The following DNM1 variants were observed in gnomAD, a reference collection of about 807,000 sequenced individuals.
The protein encoded by DNM1 is dynamin-1.
In DNM1, 29 loss-of-function variants were observed where a neutral mutation model predicts 104.6. The ratio of observed to expected loss-of-function variants is 0.28; its 90% CI spans 0.21 to 0.38. DNM1 has a LOEUF of 0.38. Among genes scored for constraint, DNM1 ranks in the 10% least tolerant of loss-of-function variants. The pLI is 1.00. For missense variants in DNM1, 640 were observed against 1,189.4 expected (o/e 0.54, Z 6.79); for synonymous variants, 445 against 475.8 (o/e 0.94, Z 0.84).
In DNM1 at chr9:128,239,720, C is replaced by T. The variant is rs1026287099; in HGVS notation, c.1494-8C>T. On this transcript the variant is annotated splice_region_variant and splice_polypyrimidine_tract_variant and intron_variant, in intron 12 of 21. Transcript: ENST00000372923. Reference sequence around the variant, plus strand: ...AAGTTCTGAGACTCCTCCCCTCCCTCCCATTAGTGCTCAGCAGAGGAGCAA... The same window carrying T: ...AAGTTCTGAGACTCCTCCCCTCCCTTCCATTAGTGCTCAGCAGAGGAGCAA... The T allele has an allele frequency of 6.2e-7, 1 of 1,612,812 alleles. No individual in the cohort carries two copies. Among genetic ancestry groups the T allele is most frequent in the African/African-American group, 1.3e-5 (1 of 74,826 alleles).
chr9:128,252,275 T>C (rs979956680), intron 21 of DNM1: 1 of 307,388 alleles, frequency 3.3e-6, no homozygotes, highest in African/African-American at 2.2e-5. Flanking sequence ...CCCAGGTCTA[T>C]GGTGCGGTGT....
At chr9:128,208,905 G>A (rs1187679089) in intron 1 of DNM1, among the ~76,000 whole-genome samples, 3 of 152,160 alleles carry the variant, frequency 2.0e-5, no homozygotes, top group Admixed American at 6.5e-5. Context: ...GTGGACTTCC[G>A]CAGGTGCAGG....
At position 128,220,726 on chromosome 9, in the gene DNM1, A is replaced by AGCGCGC. The variant is rs747195864; in HGVS notation, c.849+386_849+387insCGCGCG. Among the ~76,000 whole-genome samples the AGCGCGC allele has an allele frequency of 0.033, 4,436 of 133,136 alleles. 145 individuals carry two copies. The highest frequency in any genetic ancestry group is 0.051 in the Non-Finnish European group (3,096 of 60,982). The allele number at this position is 133,136 out of a possible 152,430, so 87.3% of individuals were successfully genotyped here. On this transcript the variant is annotated intron_variant, in intron 6 of 21. Coordinates refer to ENST00000372923, the MANE Select transcript of DNM1 (RefSeq NM_004408.4). This position sits in a 1 kb window ranked among gnomAD's most constrained non-coding sequence, Gnocchi z 5.2. The stretch of plus-strand genomic sequence containing the variant: ...TCTGGAATGGGGCATCCAGAACTGA[A>AGCGCGC]GTGCGCGCGCGCGCGCGTGTGTGTG...
chr9:128,248,666 G>A lies in DNM1; in HGVS notation c.1989G>A (p.Arg663=). 6.2e-7 allele frequency: 1 copy of A among 1,614,038 alleles called. No homozygotes were observed. Among genetic ancestry groups the A allele is most frequent in the Non-Finnish European group, 8.5e-7 (1 of 1,179,908 alleles). ...TGGAACGGCAAGTGGAGACCATCCG[G>A]AATCTTGTGGACTCATACATGGCCA... is the stretch of plus-strand genomic sequence containing the variant. ...PQLERQVETI[R]NLVDSYMAIV... is the part of the protein sequence containing the mutation. Residue 663 remains arginine, a synonymous_variant, in exon 19 of 22, where the codon CGG becomes CGA. Transcript: ENST00000372923. This position sits in a 1 kb window ranked among gnomAD's most constrained non-coding sequence, Gnocchi z 5.6.
At chr9:128,235,238 G>GT (rs1835939315) in intron 11 of DNM1, among the ~76,000 whole-genome samples, 1 of 151,878 alleles carries the variant, frequency 6.6e-6, no homozygotes, top group Non-Finnish European at 1.5e-5. Flanking sequence ...GCTCATGCCT[G>GT]TAATCCAAGC....
At chr9:128,239,622 C>T in intron 12 of DNM1, 106 bp from the exon 13 acceptor site, 1 of 1,199,470 alleles carries the variant, frequency 8.3e-7, no homozygotes, top group South Asian at 1.3e-5. Context: ...GTGTGTAGAG[C>T]CCAGGTCTGC....
intron 10 of DNM1, among the ~76,000 whole-genome samples, chr9:128,227,868 T>C (rs989903896): frequency 6.6e-6 from 1 of 152,158 alleles, no homozygotes; most frequent in South Asian, 2.1e-4. Context: ...CTTTCTTTTT[T>C]AGAGACGGGG....
rs1261598376 is a variant in DNM1 at position 128,253,510 on chromosome 9, C to T, written c.2535-1144C>T. Reference sequence around the variant, plus strand: ...TCGTGTGTGGGGCTGGACTCTGAGGCGGCCAGAGGCCTAGGAACGTTATCC... The same window carrying T: ...TCGTGTGTGGGGCTGGACTCTGAGGTGGCCAGAGGCCTAGGAACGTTATCC... On this transcript the variant is annotated intron_variant, in intron 21 of 21. Coordinates refer to ENST00000372923, the MANE Select transcript of DNM1 (RefSeq NM_004408.4). The surrounding 1 kb of genome is among the most constrained non-coding windows in gnomAD (Gnocchi z 5.9). 1.7e-5 allele frequency: 5 copies of T among 293,454 alleles called. No homozygotes were observed. The highest frequency in any genetic ancestry group is 3.2e-5 in the Non-Finnish European group (5 of 155,574). 18.2% of individuals were successfully genotyped at this position (293,454 alleles called of 1,614,324 possible).
At chr9:128,206,186 G>C (rs1037879221) in intron 1 of DNM1, among the ~76,000 whole-genome samples, 4 of 152,096 alleles carry the variant, frequency 2.6e-5, no homozygotes, top group African/African-American at 9.7e-5. Context: ...CTTCCCAGGA[G>C]CCAATCCCCA....
intron 9 of DNM1, chr9:128,223,648 G>A (rs2131178640): frequency 6.6e-6 from 1 of 152,252 alleles, no homozygotes; most frequent in East Asian, 1.9e-4. Context: ...AACCACGTTT[G>A]GCAATTTTCA....
chr9:128,246,554 C>G, intron 16 of DNM1, 51 bp downstream of exon 16: 1 of 1,396,738 alleles, frequency 7.2e-7, no homozygotes, highest in Non-Finnish European at 1.0e-6. Context: ...ACCACCCTCA[C>G]TGAGTAGAAG....
intron 11 of DNM1, among the ~76,000 whole-genome samples, chr9:128,235,529 G>A (rs1322644351): frequency 6.6e-6 from 1 of 151,628 alleles, no homozygotes; most frequent in Non-Finnish European, 1.5e-5. Flanking sequence ...TTTAAGGCTT[G>A]AATAATATTC....
At chr9:128,246,689 CCCTTCCCTTCCCTCCT>C (rs1426950316) in intron 16 of DNM1, among the ~76,000 whole-genome samples, 186 bp downstream of exon 16, 1 of 151,110 alleles carries the variant, frequency 6.6e-6, no homozygotes, top group Non-Finnish European at 1.5e-5. Flanking sequence ...CCATCCCCTC[CCCTTCCCTTCCCTCCT>C]CCTTCCCTCC....
Position 128,248,122 on chromosome 9 carries a change from T to C in DNM1, c.1905+187T>C. On this transcript the variant is annotated intron_variant, in intron 18 of 21. Transcript: ENST00000372923. The surrounding 1 kb of genome is among the most constrained non-coding windows in gnomAD (Gnocchi z 5.6). ...GGTGGGCGGATCACAAGGTCAGGAG[T>C]TCGAGACCAGCCTGGCCAACACGGT... 1 of 737,532 alleles carries C rather than the reference T, an allele frequency of 1.4e-6. No homozygotes were observed. Among genetic ancestry groups the C allele is most frequent in the Non-Finnish European group, 2.3e-6 (1 of 427,252 alleles). 45.7% of individuals were successfully genotyped at this position (737,532 alleles called of 1,614,324 possible). A position where few individuals can be genotyped will look rare whatever the true frequency, so the allele number is the denominator to read the frequency against.
Position 128,247,563 on chromosome 9 carries a change from T to G in DNM1, c.1893+77T>G, listed in dbSNP as rs1836903227. The stretch of plus-strand genomic sequence containing the variant: ...GGGCACCATCCTCAGTGATGCCAAG[T>G]CATGCCATGTTTCCGAGCCCTTATT... On this transcript the variant is annotated intron_variant, in intron 17 of 21. Transcript: ENST00000372923. This position sits in a 1 kb window ranked among gnomAD's most constrained non-coding sequence, Gnocchi z 5.1. 8.5e-7 allele frequency: 1 copy of G among 1,172,674 alleles called. No homozygotes were observed. Among genetic ancestry groups the G allele is most frequent in the Admixed American group, 2.0e-5 (1 of 49,704 alleles). 72.6% of individuals were successfully genotyped at this position (1,172,674 alleles called of 1,614,324 possible). A position where few individuals can be genotyped will look rare whatever the true frequency, so the allele number is the denominator to read the frequency against.
chr9:128,242,665 C>A (rs1440596533), intron 15 of DNM1, among the ~76,000 whole-genome samples: 1 of 152,098 alleles, frequency 6.6e-6, no homozygotes, highest in African/African-American at 2.4e-5. Context: ...GAGGCTGAGA[C>A]ACAAGAATGC....
intron 11 of DNM1, among the ~76,000 whole-genome samples, chr9:128,237,365 C>T (rs1477192813): frequency 6.6e-6 from 1 of 151,912 alleles, no homozygotes; most frequent in Non-Finnish European, 1.5e-5. Flanking sequence ...GGGTTCAAGC[C>T]ATTCTCCTGC....
At chr9:128,238,208 CTGTTTGTT>C (rs59218725) in intron 11 of DNM1, among the ~76,000 whole-genome samples, 6,544 of 151,436 alleles carry the variant, frequency 0.043, 421 homozygotes, top group African/African-American at 0.14. Context: ...TAAAAAGCCT[CTGTTTGTT>C]TGTTTGTTTG....
chr9:128,220,591 A>G lies in DNM1; in HGVS notation c.849+250A>G, dbSNP rs1394879135. ...CCCAACACAGAGAAGGCCAAGACCTATGTGGAGGGTGTCATGGGGAAGAGC... is the reference window on the plus strand; with the variant it reads ...CCCAACACAGAGAAGGCCAAGACCTGTGTGGAGGGTGTCATGGGGAAGAGC... On this transcript the variant is annotated intron_variant, in intron 6 of 21. Coordinates refer to ENST00000372923, the MANE Select transcript of DNM1 (RefSeq NM_004408.4). The surrounding 1 kb of genome is among the most constrained non-coding windows in gnomAD (Gnocchi z 5.2). Among the ~76,000 whole-genome samples, 1 of 152,158 alleles carries G rather than the reference A, an allele frequency of 6.6e-6. No homozygotes were observed. The highest frequency in any genetic ancestry group is 1.5e-5 in the Non-Finnish European group (1 of 68,018).
Sources: allele counts gnomAD v4.1 joint callset (sites outside exome capture counted in the v4.1 genomes callset), GRCh38; gene constraint gnomAD v4.1.1; non-coding constraint Gnocchi (gnomAD v3.1); transcripts MANE v1.5; gene names NCBI Gene and HGNC (gene_info 2026-07-23, HGNC 2026-07-21).